Variants in SLC41A2 observed in about 807,000 individuals in gnomAD.
SLC41A2 encodes the protein SLC41A1-like 1.
Under a neutral mutation model 58.3 loss-of-function variants are expected in SLC41A2, and 32 were observed. The ratio of observed to expected loss-of-function variants is 0.55; its 90% CI spans 0.41 to 0.74. SLC41A2 has a LOEUF of 0.74. Among genes scored for constraint, SLC41A2 ranks in the 30% least tolerant of loss-of-function variants. The pLI is 0.00. For synonymous variants in SLC41A2, 190 were observed against 235.0 expected (o/e 0.81, Z 1.75); for missense variants, 514 against 680.6 (o/e 0.76, Z 2.72).
At chr12:104,894,255 A>G (rs898051410) in intron 4 of SLC41A2, among the ~76,000 whole-genome samples, 27 of 152,030 alleles carry the variant, frequency 1.8e-4, no homozygotes, top group Non-Finnish European at 2.6e-4. Context: ...TCGGGCACTC[A>G]GGTGGGAGAA....
At chr12:104,880,644 C>G (rs1445760122) in intron 6 of SLC41A2, among the ~76,000 whole-genome samples, 1 of 152,180 alleles carries the variant, frequency 6.6e-6, no homozygotes, top group Non-Finnish European at 1.5e-5. Flanking sequence ...GTTGAACCAG[C>G]CTTGCATCTC....
At chr12:104,874,404 C>CA (rs1274205256) in intron 6 of SLC41A2, among the ~76,000 whole-genome samples, 3 of 152,092 alleles carry the variant, frequency 2.0e-5, no homozygotes. Context: ...ATGTGATATC[C>CA]AAAAAATCAT....
intron 1 of SLC41A2, among the ~76,000 whole-genome samples, chr12:104,954,946 T>C (rs1275479839): frequency 6.6e-6 from 1 of 151,916 alleles, no homozygotes; most frequent in East Asian, 1.9e-4. Flanking sequence ...TGCACTTCCT[T>C]GTAAAATGCA....
intron 10 of SLC41A2, among the ~76,000 whole-genome samples, chr12:104,812,213 T>C (rs1308719139): frequency 6.6e-6 from 1 of 152,130 alleles, no homozygotes; most frequent in Non-Finnish European, 1.5e-5. Flanking sequence ...TAGTAAAGCA[T>C]CCAGTGAACA....
intron 2 of SLC41A2, among the ~76,000 whole-genome samples, chr12:104,921,138 A>C (rs1291700946): frequency 1.3e-5 from 2 of 151,914 alleles, no homozygotes; most frequent in Admixed American, 6.6e-5. Context: ...GCTATAAAAA[A>C]CTACCTTGAA....
At chr12:104,923,774 C>T (rs200666400) in intron 2 of SLC41A2, among the ~76,000 whole-genome samples, 1 of 152,054 alleles carries the variant, frequency 6.6e-6, no homozygotes, top group African/African-American at 2.4e-5. Context: ...AATAGAAAAC[C>T]TCAAGAAACC....
chr12:104,853,708 AATGTATGT>A (rs57299241), intron 8 of SLC41A2, among the ~76,000 whole-genome samples: 5,143 of 142,630 alleles, frequency 0.036, 250 homozygotes, highest in African/African-American at 0.11. Flanking sequence ...TTTTTAAATA[AATGTATGT>A]ATGTATGTAT....
chr12:104,877,674 A>C (rs2135578772), intron 6 of SLC41A2, among the ~76,000 whole-genome samples: 1 of 152,268 alleles, frequency 6.6e-6, no homozygotes. Context: ...GTCTTTTATA[A>C]GGAGAGTTTA....
chr12:104,876,088 T>G (rs181826791), intron 6 of SLC41A2, among the ~76,000 whole-genome samples: 181 of 152,334 alleles, frequency 1.2e-3, no homozygotes, highest in African/African-American at 4.3e-3. Flanking sequence ...AATTGTTCAA[T>G]CGTCTCTAGT....
intron 3 of SLC41A2, among the ~76,000 whole-genome samples, chr12:104,908,075 G>C (rs1269420783): frequency 6.6e-6 from 1 of 152,040 alleles, no homozygotes; most frequent in Non-Finnish European, 1.5e-5. Flanking sequence ...GACCAGCCTG[G>C]CCAACATGGT....
intron 4 of SLC41A2, 142 bp from the exon 5 acceptor site, chr12:104,889,319 C>T: frequency 1.2e-6 from 1 of 869,398 alleles, no homozygotes; most frequent in East Asian, 2.8e-5. Flanking sequence ...AGAGTAGTTA[C>T]TATATTTTGG....
In SLC41A2 at chr12:104,808,954, G is replaced by GA. The variant is rs377362390; in HGVS notation, c.1537-3618dup. ...GCAAAATAAATTTGGGACTAGAAAGGATAATGTTCATGGTTTTGGACAAGT... is the reference window on the plus strand; with the variant it reads ...GCAAAATAAATTTGGGACTAGAAAGGAATAATGTTCATGGTTTTGGACAAGT... On this transcript the variant is annotated intron_variant, in intron 10 of 10. Transcript: ENST00000258538. Among the ~76,000 whole-genome samples, 345 of 152,260 alleles carry GA rather than the reference G, an allele frequency of 2.3e-3. 2 individuals are homozygous for GA. Among genetic ancestry groups the GA allele is most frequent in the African/African-American group, 8.0e-3 (334 of 41,548 alleles).
At position 104,928,457 on chromosome 12, in the gene SLC41A2, A is replaced by G. The variant is rs1163284111; in HGVS notation, c.71T>C (p.Val24Ala). 2.0e-5 allele frequency: 31 copies of G among 1,549,574 alleles called. No homozygotes were observed. The highest frequency in any genetic ancestry group is 2.7e-5 in the Non-Finnish European group (31 of 1,146,144). Residue 24 changes from valine (V) to alanine (A), a missense_variant, in exon 2 of 11, where the codon GTA becomes GCA. Coordinates refer to ENST00000258538, the MANE Select transcript of SLC41A2 (RefSeq NM_001352171.3). ...TGTGTTTAAACGTAAAGTCCAATCT[A>G]CAAAACCTCCTCCACTACTTGGACC... Reference protein sequence around the residue: ...SGGPSSGGGFVDWTLRLNTIQ... With the variant: ...SGGPSSGGGFADWTLRLNTIQ...
chr12:104,892,338 T>C (rs1190221642), intron 4 of SLC41A2, among the ~76,000 whole-genome samples: 1 of 133,552 alleles, frequency 7.5e-6, no homozygotes, highest in Non-Finnish European at 1.6e-5. Flanking sequence ...AAATAAAATA[T>C]TGATGCAAGA....
Position 104,802,966 on chromosome 12 carries a change from T to TGTAA in SLC41A2, c.*2182_*2185dup, listed in dbSNP as rs1489480387. On this transcript the variant is annotated 3_prime_UTR_variant, in exon 11 of 11. Coordinates refer to ENST00000258538, the MANE Select transcript of SLC41A2 (RefSeq NM_001352171.3). ...TTTTGCAGCTGTACAACCTTAGAAA[T>TGTAA]GTAAGTTCTCTGAATTTCGGTTTCC... is the stretch of plus-strand genomic sequence containing the variant. The TGTAA allele has an allele frequency of 2.0e-5, 3 of 152,128 alleles. No individual in the cohort carries two copies. The highest frequency in any genetic ancestry group is 1.3e-4 in the Admixed American group (2 of 15,252). The allele number at this position is 152,128 out of a possible 1,614,324, so 9.4% of individuals were successfully genotyped here.
rs1016034745 is a variant in SLC41A2 at position 104,867,802 on chromosome 12, T to C, written c.1028-1223A>G. Among the ~76,000 whole-genome samples, 4 of 151,706 alleles carry C rather than the reference T, an allele frequency of 2.6e-5. No individual in the cohort carries two copies. The South Asian group carries it at 8.3e-4, about 31-fold the overall frequency. The stretch of plus-strand genomic sequence containing the variant: ...TACTTAATTTTTTGATGTTACAGAA[T>C]GCTACAACCCTTACCCCAACTCTTA... On this transcript the variant is annotated intron_variant, in intron 6 of 10. Coordinates refer to ENST00000258538, the MANE Select transcript of SLC41A2 (RefSeq NM_001352171.3).
chr12:104,833,785 TTG>T (rs1491240229), intron 10 of SLC41A2, among the ~76,000 whole-genome samples: 1 of 138,320 alleles, frequency 7.2e-6, no homozygotes, highest in African/African-American at 2.8e-5. Flanking sequence ...CAGTGTTTTG[TTG>T]TTTTTTTTTT....
At position 104,853,704 on chromosome 12, in the gene SLC41A2, AATAAATGT is replaced by A. The variant is rs2042886570; in HGVS notation, c.1255+7579_1255+7586del. The stretch of plus-strand genomic sequence containing the variant: ...ACCATAGATCATGCATTATTTTTTA[AATAAATGT>A]ATGTATGTATGTATGTATGTATGTA... On this transcript the variant is annotated intron_variant, in intron 8 of 10. Coordinates refer to ENST00000258538, the MANE Select transcript of SLC41A2 (RefSeq NM_001352171.3). Among the ~76,000 whole-genome samples the A allele has an allele frequency of 2.8e-5, 4 of 140,712 alleles. No individual in the cohort carries two copies. In the South Asian group the frequency reaches 7.4e-4, roughly 26 times the overall value. The allele number at this position is 140,712 out of a possible 152,430, so 92.3% of individuals were successfully genotyped here.
chr12:104,825,032 C>CTT (rs60592498), intron 10 of SLC41A2, among the ~76,000 whole-genome samples: 1 of 151,850 alleles, frequency 6.6e-6, no homozygotes, highest in African/African-American at 2.4e-5. Flanking sequence ...GACTTTGTCT[C>CTT]TTTTTTCTCT....
Sources: allele counts gnomAD v4.1 joint callset (sites outside exome capture counted in the v4.1 genomes callset), GRCh38; gene constraint gnomAD v4.1.1; transcripts MANE v1.5; gene names NCBI Gene and HGNC (gene_info 2026-07-23, HGNC 2026-07-21).